Variants in ACBD6 observed in about 807,000 individuals in gnomAD.
ACBD6 encodes acyl-CoA binding domain containing 6.
In ACBD6, 28 loss-of-function variants were observed where a neutral mutation model predicts 37.2. The observed-to-expected ratio is 0.75, with a 90% confidence interval of 0.56 to 1.03. The LOEUF is 1.03. Ranked by LOEUF, ACBD6 falls within the 50% of genes least tolerant of loss-of-function variation. The pLI is 0.00. For missense variants in ACBD6, 340 were observed against 337.4 expected, an observed-to-expected ratio of 1.01 and a Z score of -0.06; for synonymous variants, 113 against 126.8, an observed-to-expected ratio of 0.89 and a Z score of 0.73.
chr1:180,467,140 T>A (rs1650376120), intron 3 of ACBD6, among the ~76,000 whole-genome samples: 1 of 151,908 alleles, frequency 6.6e-6, no homozygotes, highest in Non-Finnish European at 1.5e-5. Flanking sequence ...AGAGCCAAGG[T>A]ATCACTATGT....
chr1:180,274,112 C>T (rs1438485161), exon 11 of ACBD6: 2 of 1,580,554 alleles, frequency 1.3e-6, no homozygotes, highest in Non-Finnish European at 1.7e-6. Flanking sequence ...CATGTGTGTT[C>T]CTAGGTTGTG....
chr1:180,467,490 A>G (rs1333178467), intron 3 of ACBD6, among the ~76,000 whole-genome samples: 3 of 151,404 alleles, frequency 2.0e-5, no homozygotes, highest in Non-Finnish European at 4.4e-5. Context: ...AAACAAACAA[A>G]AAAACTTAAA....
chr1:180,364,002 CAAG>C (rs1652945634), intron 6 of ACBD6, among the ~76,000 whole-genome samples: 1 of 152,130 alleles, frequency 6.6e-6, no homozygotes, highest in South Asian at 2.1e-4. Flanking sequence ...ATGATACCAA[CAAG>C]AATACAAGAT....
At chr1:180,358,629 A>C (rs1016514128) in intron 6 of ACBD6, among the ~76,000 whole-genome samples, 2 of 152,210 alleles carry the variant, frequency 1.3e-5, no homozygotes, top group South Asian at 4.1e-4. Flanking sequence ...TGGTAAAAGA[A>C]ATATATTTTG....
chr1:180,369,867 A>G (rs1380251272), intron 6 of ACBD6, among the ~76,000 whole-genome samples: 1 of 152,228 alleles, frequency 6.6e-6, no homozygotes, highest in East Asian at 1.9e-4. Flanking sequence ...TTCCTGCCAC[A>G]CACAAGTTTC....
At chr1:180,416,104 C>T (rs1202182570) in intron 4 of ACBD6, among the ~76,000 whole-genome samples, 3 of 152,104 alleles carry the variant, frequency 2.0e-5, no homozygotes, top group Non-Finnish European at 4.4e-5. Context: ...TTAAGTGACA[C>T]TCTTGGGCTT....
chr1:180,435,949 T>C (rs1649019023), intron 3 of ACBD6: 1 of 1,202,688 alleles, frequency 8.3e-7, no homozygotes. Flanking sequence ...CATAAATGAA[T>C]ACTGTACAAT....
In ACBD6 at chr1:180,397,388, A is replaced by G; in HGVS notation, c.663+128T>C. The G allele has an allele frequency of 1.2e-5, 10 of 857,230 alleles. No individual in the cohort carries two copies. The South Asian group carries it at 1.4e-4, about 12-fold the overall frequency. 53.1% of individuals were successfully genotyped at this position (857,230 alleles called of 1,614,324 possible). A position where few individuals can be genotyped will look rare whatever the true frequency, so the allele number is the denominator to read the frequency against. On this transcript the variant is annotated intron_variant, in intron 6 of 7. Coordinates refer to ENST00000367595, the MANE Select transcript of ACBD6 (RefSeq NM_032360.4). ...ACGGAACTATATAGTAGCAATGATT[A>G]CACAACATTGTGAAATGTACTAAAC...
intron 6 of ACBD6, among the ~76,000 whole-genome samples, chr1:180,377,989 A>T (rs1176894910): frequency 1.3e-5 from 2 of 148,596 alleles, no homozygotes; most frequent in African/African-American, 4.9e-5. Flanking sequence ...TAATAGCCAT[A>T]AGTTTGAGGA....
In ACBD6 at chr1:180,430,268, G is replaced by T; in HGVS notation, c.385-6C>A. 1 of 1,611,626 alleles carries T rather than the reference G, an allele frequency of 6.2e-7. No homozygotes were observed. Among genetic ancestry groups the T allele is most frequent in the Non-Finnish European group, 8.5e-7 (1 of 1,178,774 alleles). On this transcript the variant is annotated splice_region_variant and splice_polypyrimidine_tract_variant and intron_variant, in intron 3 of 7. Transcript: ENST00000367595. ...TTTCCTTTCTTCTCTGGTATCTGTGGGAAGGAGAAAAAAAAGTGAAAAAAA... is the reference window on the plus strand; with the variant it reads ...TTTCCTTTCTTCTCTGGTATCTGTGTGAAGGAGAAAAAAAAGTGAAAAAAA...
At chr1:180,431,767 G>A (rs1282877085) in intron 3 of ACBD6, among the ~76,000 whole-genome samples, 7 of 151,786 alleles carry the variant, frequency 4.6e-5, no homozygotes, top group Non-Finnish European at 8.8e-5. Flanking sequence ...AACTGGATAC[G>A]AAAGGAAAAA....
chr1:180,311,783 C>T (rs1571346042), intron 7 of ACBD6, among the ~76,000 whole-genome samples: 1 of 152,206 alleles, frequency 6.6e-6, no homozygotes. Flanking sequence ...TCAAATATCA[C>T]AAAGTTTTCC....
chr1:180,437,429 C>T (rs1649088994), intron 3 of ACBD6, among the ~76,000 whole-genome samples: 1 of 152,218 alleles, frequency 6.6e-6, no homozygotes, highest in Non-Finnish European at 1.5e-5. Flanking sequence ...TGCTGCAGAA[C>T]TGCTCACATA....
chr1:180,415,070 C>A (rs1454067398), intron 4 of ACBD6, among the ~76,000 whole-genome samples: 3 of 141,886 alleles, frequency 2.1e-5, no homozygotes, highest in Non-Finnish European at 3.1e-5. Context: ...GAGCGAGACT[C>A]CATCTCAAAA....
chr1:180,492,335 G>C lies in ACBD6; in HGVS notation c.318C>G (p.Ser106Arg), dbSNP rs544638684. ...WEAWKALGDS[S>R]PSQAMQEYIA... The stretch of plus-strand genomic sequence containing the variant: ...TATATTCCTGCATTGCTTGGCTGGG[G>C]CTTGAATCACCAAGTGCTTTCCAAG... Residue 106 changes from serine to arginine, a missense_variant, in exon 3 of 8, where the codon AGC becomes AGG. Ser to Arg is a moderately radical substitution (Grantham distance 110, BLOSUM62 -1). Transcript: ENST00000367595. 6.2e-7 allele frequency: 1 copy of C among 1,613,898 alleles called. No individual in the cohort carries two copies. Among genetic ancestry groups the C allele is most frequent in the Non-Finnish European group, 8.5e-7 (1 of 1,179,962 alleles).
At chr1:180,325,669 G>T (rs1163323340) in intron 6 of ACBD6, among the ~76,000 whole-genome samples, 3 of 152,156 alleles carry the variant, frequency 2.0e-5, no homozygotes, top group Non-Finnish European at 4.4e-5. Flanking sequence ...ATTTATTGTA[G>T]TCTTCGCAAT....
At chr1:180,363,054 T>C (rs1236587163) in intron 6 of ACBD6, among the ~76,000 whole-genome samples, 1 of 152,196 alleles carries the variant, frequency 6.6e-6, no homozygotes, top group African/African-American at 2.4e-5. Context: ...TATTAACTTA[T>C]TAACATATTT....
At chr1:180,302,990 T>G (rs1273606739) in intron 7 of ACBD6, among the ~76,000 whole-genome samples, 1 of 152,052 alleles carries the variant, frequency 6.6e-6, no homozygotes, top group Admixed American at 6.6e-5. Context: ...CTGAACAACC[T>G]GCTCCTGAAT....
chr1:180,355,283 C>T (rs1170999000), intron 6 of ACBD6, among the ~76,000 whole-genome samples: 2 of 152,208 alleles, frequency 1.3e-5, no homozygotes, highest in African/African-American at 4.8e-5. Context: ...GGCTCCCAAC[C>T]TTATGCTCTT....
Sources: allele counts gnomAD v4.1 joint callset (sites outside exome capture counted in the v4.1 genomes callset), GRCh38; gene constraint gnomAD v4.1.1; transcripts MANE v1.5; gene names NCBI Gene and HGNC (gene_info 2026-07-23, HGNC 2026-07-21).